SLC24A3: variants seen among roughly 807,000 people sequenced by gnomAD.
The protein encoded by SLC24A3 is sodium/potassium/calcium exchanger 3.
Under a neutral mutation model 75.8 loss-of-function variants are expected in SLC24A3, and 28 were observed. The ratio of observed to expected loss-of-function variants is 0.37; its 90% CI spans 0.27 to 0.51. The LOEUF is 0.51. Ranked by LOEUF, SLC24A3 falls within the 20% of genes least tolerant of loss-of-function variation. The pLI is 0.94. For synonymous variants in SLC24A3, 372 were observed against 334.1 expected (o/e 1.11, Z -1.24); for missense variants, 663 against 847.8 (o/e 0.78, Z 2.71).
intron 3 of SLC24A3, among the ~76,000 whole-genome samples, chr20:19,562,773 C>T (rs1378947459): frequency 2.0e-5 from 3 of 152,158 alleles, no homozygotes; most frequent in African/African-American, 7.2e-5. Context: ...GCTCTTTGTA[C>T]CTATCATGAG....
chr20:19,405,340 G>A (rs1387452979), intron 2 of SLC24A3, among the ~76,000 whole-genome samples: 1 of 152,140 alleles, frequency 6.6e-6, no homozygotes, highest in East Asian at 1.9e-4. Context: ...GGAACCACTA[G>A]CACATCACTC....
At chr20:19,667,764 A>T (rs1028071490) in intron 8 of SLC24A3, among the ~76,000 whole-genome samples, 8 of 152,190 alleles carry the variant, frequency 5.3e-5, no homozygotes, top group Non-Finnish European at 1.2e-4. Flanking sequence ...TCCTCAAAAC[A>T]TCTCGGGATA....
intron 9 of SLC24A3, among the ~76,000 whole-genome samples, chr20:19,677,567 C>T (rs1947057816): frequency 6.6e-6 from 1 of 152,056 alleles, no homozygotes; most frequent in African/African-American, 2.4e-5. Flanking sequence ...TATTCACTTC[C>T]CTTTTCTCCT....
rs528955128 is a variant in SLC24A3, at chr20:19,275,294, A to G, written c.143-5665A>G. On this transcript the variant is annotated intron_variant, in intron 1 of 16. Coordinates refer to ENST00000328041, the MANE Select transcript of SLC24A3 (RefSeq NM_020689.4). The stretch of plus-strand genomic sequence containing the variant: ...CCTGGCTTGGCTGCTTACCTGCATC[A>G]GCATTCCCTGCAAGAGGATGGAGTG... Among the ~76,000 whole-genome samples, 5 of 152,328 alleles carry G rather than the reference A, an allele frequency of 3.3e-5. No homozygotes were observed. The East Asian group carries it at 9.7e-4, about 29-fold the overall frequency.
chr20:19,422,561 T>C (rs1199054579), intron 2 of SLC24A3, among the ~76,000 whole-genome samples: 10 of 152,180 alleles, frequency 6.6e-5, no homozygotes, highest in Admixed American at 6.5e-4. Context: ...CTGACGGTCA[T>C]TCTCAACCCT....
intron 3 of SLC24A3, among the ~76,000 whole-genome samples, chr20:19,558,246 AT>A (rs1352051315): frequency 7.9e-5 from 12 of 151,822 alleles, no homozygotes; most frequent in Non-Finnish European, 1.5e-4. Flanking sequence ...TTTATTTTTT[AT>A]TTTTTTATTT....
chr20:19,414,624 A>G (rs1487850458), intron 2 of SLC24A3, among the ~76,000 whole-genome samples: 1 of 152,240 alleles, frequency 6.6e-6, no homozygotes. Flanking sequence ...TTCTTACATC[A>G]GTTATCTCAG....
intron 7 of SLC24A3, among the ~76,000 whole-genome samples, chr20:19,661,452 AC>A (rs2032325006): frequency 6.6e-6 from 1 of 151,950 alleles, no homozygotes; most frequent in East Asian, 1.9e-4. Context: ...AGCCGTCTGC[AC>A]CCCCACCCAA....
At position 19,616,070 on chromosome 20, in the gene SLC24A3, T is replaced by G. The variant is rs561899494; in HGVS notation, c.612+30526T>G. 5.8e-3 allele frequency among the ~76,000 whole-genome samples: 877 copies of G among 152,114 alleles called. 3 individuals are homozygous for G. The highest frequency in any genetic ancestry group is 0.017 in the South Asian group (80 of 4,820). ...AGACCCCTAACTAATACAATGCCTG[T>G]GAAAGGAAAGGAGAGGAAGATGAAG... On this transcript the variant is annotated intron_variant, in intron 6 of 16. Coordinates refer to ENST00000328041, the MANE Select transcript of SLC24A3 (RefSeq NM_020689.4).
At chr20:19,248,426 CTT>C (rs1455679450) in intron 1 of SLC24A3, among the ~76,000 whole-genome samples, 2 of 152,130 alleles carry the variant, frequency 1.3e-5, no homozygotes, top group Non-Finnish European at 2.9e-5. Flanking sequence ...TAAAAACTCT[CTT>C]AGTATTGGTT....
rs1452848971 is a variant in SLC24A3, at chr20:19,681,710, A to G, written c.768-148A>G. The G allele has an allele frequency of 3.4e-6, 4 of 1,188,188 alleles. No homozygotes were observed. The Admixed American group carries it at 8.2e-5, about 24-fold the overall frequency. 73.6% of individuals were successfully genotyped at this position (1,188,188 alleles called of 1,614,324 possible). A position where few individuals can be genotyped will look rare whatever the true frequency, so the allele number is the denominator to read the frequency against. On this transcript the variant is annotated intron_variant, in intron 9 of 16. Coordinates refer to ENST00000328041, the MANE Select transcript of SLC24A3 (RefSeq NM_020689.4). The stretch of plus-strand genomic sequence containing the variant: ...ACAGGCTTGTATATTCTGAGGGGGA[A>G]TGGGTTGAGAAAATTAGAACACTAA...
intron 3 of SLC24A3, among the ~76,000 whole-genome samples, chr20:19,558,423 G>A (rs1568655704): frequency 1.3e-5 from 2 of 151,964 alleles, no homozygotes; most frequent in African/African-American, 4.8e-5. Context: ...CATAATCACA[G>A]TGCAATTATC....
intron 2 of SLC24A3, among the ~76,000 whole-genome samples, chr20:19,465,952 G>A (rs1203880827): frequency 6.6e-6 from 1 of 152,194 alleles, no homozygotes; most frequent in South Asian, 2.1e-4. Context: ...AGCTTCTTCT[G>A]TGTATCCAGG....
At chr20:19,224,522 G>A (rs1981824740) in intron 1 of SLC24A3, among the ~76,000 whole-genome samples, 1 of 152,090 alleles carries the variant, frequency 6.6e-6, no homozygotes, top group African/African-American at 2.4e-5. Flanking sequence ...GCCATGCATG[G>A]CTTGTTAACA....
At chr20:19,428,545 A>C (rs143134609) in intron 2 of SLC24A3, among the ~76,000 whole-genome samples, 1,620 of 152,344 alleles carry the variant, frequency 0.011, 29 homozygotes, top group African/African-American at 0.037. Flanking sequence ...TATTTTCCCC[A>C]AAATGATAAA....
At chr20:19,395,202 C>A (rs528028491) in intron 2 of SLC24A3, among the ~76,000 whole-genome samples, 25 of 152,220 alleles carry the variant, frequency 1.6e-4, no homozygotes, top group Middle Eastern at 3.4e-3. Flanking sequence ...ATAAGGGGAG[C>A]TACCGTGTAA....
intron 2 of SLC24A3, among the ~76,000 whole-genome samples, chr20:19,309,318 G>A (rs1446675980): frequency 1.3e-5 from 2 of 152,160 alleles, no homozygotes; most frequent in Non-Finnish European, 2.9e-5. Context: ...TCAGATAAAG[G>A]ATCTGTGCTT....
At chr20:19,365,572 G>A (rs1985873803) in intron 2 of SLC24A3, among the ~76,000 whole-genome samples, 1 of 152,118 alleles carries the variant, frequency 6.6e-6, no homozygotes, top group South Asian at 2.1e-4. Context: ...TTTTTTTGAA[G>A]TTGCTATACA....
At chr20:19,638,695 G>C (rs989853383) in intron 6 of SLC24A3, among the ~76,000 whole-genome samples, 1 of 152,168 alleles carries the variant, frequency 6.6e-6, no homozygotes, top group Non-Finnish European at 1.5e-5. Flanking sequence ...GAGGCACAGA[G>C]ACATAATTAA....
Sources: gnomAD v4.1 joint callset for allele counts (sites outside exome capture counted in the v4.1 genomes callset) on GRCh38, gnomAD v4.1.1 for gene constraint, MANE v1.5 for transcripts, NCBI Gene and HGNC (gene_info 2026-07-23, HGNC 2026-07-21) for gene names.